Variants in KCNQ5 observed in about 807,000 individuals in gnomAD.
The protein encoded by KCNQ5 is potassium voltage-gated channel subfamily KQT member 5.
A neutral mutation model predicts 98.2 loss-of-function variants in KCNQ5; 30 were observed. The ratio of observed to expected loss-of-function variants is 0.31; its 90% CI spans 0.23 to 0.41. The LOEUF is 0.41. Among genes scored for constraint, KCNQ5 ranks in the 10% least tolerant of loss-of-function variants. KCNQ5 has a pLI of 1.00. For missense variants in KCNQ5, 835 were observed against 1,182.5 expected (o/e 0.71, Z 4.31); for synonymous variants, 458 against 449.4 (o/e 1.02, Z -0.24).
intron 1 of KCNQ5, among the ~76,000 whole-genome samples, chr6:72,746,216 C>G (rs1389004970): frequency 1.7e-5 from 2 of 117,224 alleles, no homozygotes; most frequent in African/African-American, 9.4e-5. Flanking sequence ...TTTTAGCATT[C>G]TATTCTGTGG....
intron 1 of KCNQ5, among the ~76,000 whole-genome samples, chr6:72,942,286 C>G (rs1004136828): frequency 6.6e-6 from 1 of 152,096 alleles, no homozygotes; most frequent in Non-Finnish European, 1.5e-5. Context: ...TATTCACTGA[C>G]CTGTAGTATC....
intron 1 of KCNQ5, among the ~76,000 whole-genome samples, chr6:72,653,786 G>T (rs1161703848): frequency 6.6e-6 from 1 of 151,908 alleles, no homozygotes; most frequent in Admixed American, 6.6e-5. Context: ...TGTTCTAGGA[G>T]AAAAATTAAG....
At chr6:72,633,870 A>G (rs1274762660) in intron 1 of KCNQ5, among the ~76,000 whole-genome samples, 1 of 152,224 alleles carries the variant, frequency 6.6e-6, no homozygotes, top group Non-Finnish European at 1.5e-5. Context: ...CTTTCACCAT[A>G]TACAAAAATT....
intron 1 of KCNQ5, among the ~76,000 whole-genome samples, chr6:72,902,886 CT>C (rs1234920198): frequency 1.3e-5 from 2 of 152,058 alleles, no homozygotes; most frequent in African/African-American, 4.8e-5. Context: ...CCCTCTTTAT[CT>C]TATGAAATAG....
At chr6:72,909,295 A>G (rs1230741907) in intron 1 of KCNQ5, among the ~76,000 whole-genome samples, 1 of 152,228 alleles carries the variant, frequency 6.6e-6, no homozygotes, top group Non-Finnish European at 1.5e-5. Flanking sequence ...GAGGTGTGAT[A>G]CTGAGTGAAG....
Position 73,060,692 on chromosome 6 carries a change from G to C in KCNQ5, c.617-16630G>C, listed in dbSNP as rs540158692. Among the ~76,000 whole-genome samples the C allele has an allele frequency of 2.0e-5, 3 of 152,092 alleles. No homozygotes were observed. In the South Asian group the frequency reaches 6.2e-4, roughly 32 times the overall value. ...AATTATAAGGAGCTCTAGAAATCAA[G>C]AAAAACCCAACAACCTAACAGAAAA... On this transcript the variant is annotated intron_variant, in intron 3 of 13. Transcript: ENST00000370398.
chr6:73,078,301 AT>A (rs1207731121), intron 5 of KCNQ5, among the ~76,000 whole-genome samples: 2 of 152,102 alleles, frequency 1.3e-5, no homozygotes, highest in Admixed American at 1.3e-4. Context: ...TGTGAATAAA[AT>A]TGCAGCACAA....
intron 1 of KCNQ5, among the ~76,000 whole-genome samples, chr6:72,868,780 A>G (rs990380785): frequency 7.2e-5 from 11 of 152,160 alleles, no homozygotes; most frequent in Non-Finnish European, 1.5e-4. Context: ...AGATCTGCGG[A>G]AGGTGAGGCA....
At chr6:72,738,011 C>T (rs547486682) in intron 1 of KCNQ5, among the ~76,000 whole-genome samples, 4 of 150,526 alleles carry the variant, frequency 2.7e-5, no homozygotes, top group Non-Finnish European at 4.5e-5. Context: ...AAAAATTAGC[C>T]GGGCGTGGTG....
chr6:72,872,296 G>A (rs1778242359), intron 1 of KCNQ5, among the ~76,000 whole-genome samples: 1 of 152,098 alleles, frequency 6.6e-6, no homozygotes, highest in African/African-American at 2.4e-5. Context: ...AGTGATCTCT[G>A]TTATAATGTC....
At position 73,076,964 on chromosome 6, in the gene KCNQ5, G is replaced by A. The variant is rs952568974; in HGVS notation, c.617-358G>A. 5.3e-5 allele frequency among the ~76,000 whole-genome samples: 8 copies of A among 152,164 alleles called. No homozygotes were observed. The East Asian group carries it at 1.2e-3, about 22-fold the overall frequency. The stretch of plus-strand genomic sequence containing the variant: ...TTTGCCACAGGAAAAAGGATGAAAC[G>A]AGAGACATTGTGAAAGGTTGCCCCA... On this transcript the variant is annotated intron_variant, in intron 3 of 13. Transcript: ENST00000370398.
At chr6:73,019,777 A>C (rs1324910859) in intron 2 of KCNQ5, among the ~76,000 whole-genome samples, 1 of 152,178 alleles carries the variant, frequency 6.6e-6, no homozygotes, top group South Asian at 2.1e-4. Context: ...TTTTACAGCT[A>C]TTACTATAGC....
intron 5 of KCNQ5, among the ~76,000 whole-genome samples, chr6:73,084,051 C>T (rs2062373573): frequency 6.6e-6 from 1 of 152,198 alleles, no homozygotes; most frequent in Admixed American, 6.5e-5. Flanking sequence ...CTGTCATCCC[C>T]ACCTACCTAG....
intron 11 of KCNQ5, among the ~76,000 whole-genome samples, chr6:73,179,819 A>G (rs1289803015): frequency 6.6e-6 from 1 of 152,156 alleles, no homozygotes; most frequent in East Asian, 1.9e-4. Context: ...GCATTCCCAT[A>G]TCAACCTGGG....
chr6:73,067,313 A>G (rs989260055), intron 3 of KCNQ5, among the ~76,000 whole-genome samples: 10 of 152,218 alleles, frequency 6.6e-5, no homozygotes, highest in Non-Finnish European at 1.5e-4. Context: ...GGACTTTCTT[A>G]GTATCAAATT....
At chr6:72,941,623 C>CT in intron 1 of KCNQ5, among the ~76,000 whole-genome samples, 1 of 120,520 alleles carries the variant, frequency 8.3e-6, no homozygotes, top group Non-Finnish European at 1.9e-5. Flanking sequence ...TCCTGACTTC[C>CT]TCCCCTCCCT....
chr6:72,712,318 T>G (rs1032562325), intron 1 of KCNQ5, among the ~76,000 whole-genome samples: 1 of 152,096 alleles, frequency 6.6e-6, no homozygotes, highest in African/African-American at 2.4e-5. Flanking sequence ...AGTCCAAGGT[T>G]TAAGAAGCCA....
chr6:72,799,498 A>G (rs1774520219), intron 1 of KCNQ5, among the ~76,000 whole-genome samples: 1 of 152,140 alleles, frequency 6.6e-6, no homozygotes, highest in Non-Finnish European at 1.5e-5. Context: ...CACTTCTTCA[A>G]GTAACTTTAT....
At chr6:72,787,542 A>T in intron 1 of KCNQ5, among the ~76,000 whole-genome samples, 1 of 139,790 alleles carries the variant, frequency 7.2e-6, no homozygotes, top group African/African-American at 3.3e-5. Context: ...CAGTATTTAA[A>T]AAAAAAAAAA....
Sources: gnomAD v4.1 joint callset for allele counts (sites outside exome capture counted in the v4.1 genomes callset) on GRCh38, gnomAD v4.1.1 for gene constraint, MANE v1.5 for transcripts, NCBI Gene and HGNC (gene_info 2026-07-23, HGNC 2026-07-21) for gene names.